PCCA: variants seen among roughly 807,000 people sequenced by gnomAD.
PCCA encodes the protein propionyl-CoA carboxylase subunit alpha.
In PCCA, 74 loss-of-function variants were observed where a neutral mutation model predicts 101.3. That is an observed-to-expected ratio of 0.73 (90% CI 0.61 to 0.89). The LOEUF (loss-of-function observed/expected upper bound fraction) is 0.89, where lower values mean the gene tolerates loss of function less well. Among genes scored for constraint, PCCA ranks in the 40% least tolerant of loss-of-function variants. PCCA has a pLI of 0.00. For missense variants in PCCA, 891 were observed against 907.0 expected (o/e 0.98, Z 0.23); for synonymous variants, 294 against 313.6 (o/e 0.94, Z 0.66).
At chr13:100,525,069 ATAAG>A (rs923515205) in intron 22 of PCCA, among the ~76,000 whole-genome samples, 41 of 152,246 alleles carry the variant, frequency 2.7e-4, no homozygotes, top group African/African-American at 9.1e-4. Flanking sequence ...ATAGAGCTAA[ATAAG>A]TAGACTAGTA....
At position 100,172,148 on chromosome 13, in the gene PCCA, C is replaced by T. The variant is rs1056191050; in HGVS notation, c.468+14808C>T. On this transcript the variant is annotated intron_variant, in intron 6 of 23. Coordinates refer to ENST00000376285, the MANE Select transcript of PCCA (RefSeq NM_000282.4). ...CCCAGGAGATGGAGGCTGCAGTGAG[C>T]TGAGATTGCACCACTACACTCCAGC... 2.0e-5 allele frequency among the ~76,000 whole-genome samples: 3 copies of T among 150,310 alleles called. No individual in the cohort carries two copies. In the South Asian group the frequency reaches 6.3e-4, roughly 31 times the overall value.
chr13:100,453,704 C>A (rs1182196391), intron 21 of PCCA, among the ~76,000 whole-genome samples: 1 of 151,936 alleles, frequency 6.6e-6, no homozygotes, highest in Non-Finnish European at 1.5e-5. Context: ...AGCAGGTGCC[C>A]TTCAATTTCA....
At chr13:100,255,957 A>G (rs150167696) in intron 8 of PCCA, among the ~76,000 whole-genome samples, 2 of 152,170 alleles carry the variant, frequency 1.3e-5, no homozygotes, top group African/African-American at 4.8e-5. Flanking sequence ...TGTTTTCCCC[A>G]CTATTCCTGC....
At chr13:100,427,274 T>C (rs759176461) in intron 20 of PCCA, among the ~76,000 whole-genome samples, 4 of 152,224 alleles carry the variant, frequency 2.6e-5, no homozygotes, top group Non-Finnish European at 4.4e-5. Context: ...TACTGGTTTA[T>C]GTTCGATAGA....
At chr13:100,419,062 A>G (rs552108849) in intron 19 of PCCA, among the ~76,000 whole-genome samples, 130 of 150,266 alleles carry the variant, frequency 8.7e-4, no homozygotes, top group Middle Eastern at 3.4e-3. Context: ...ATTCCCACAC[A>G]CCCATCACTA....
At chr13:100,435,726 C>G (rs1316611160) in intron 20 of PCCA, among the ~76,000 whole-genome samples, 2 of 152,118 alleles carry the variant, frequency 1.3e-5, no homozygotes, top group African/African-American at 2.4e-5. Flanking sequence ...AACAACAGAA[C>G]AAAAACAGGG....
At chr13:100,441,456 G>T (rs1314500234) in intron 20 of PCCA, among the ~76,000 whole-genome samples, 1 of 152,110 alleles carries the variant, frequency 6.6e-6, no homozygotes, top group Non-Finnish European at 1.5e-5. Context: ...TGGAACATTT[G>T]ATTTATTGTT....
At chr13:100,232,932 G>T (rs1341501276) in intron 7 of PCCA, among the ~76,000 whole-genome samples, 1 of 152,152 alleles carries the variant, frequency 6.6e-6, no homozygotes, top group African/African-American at 2.4e-5. Flanking sequence ...TGTATAAGTG[G>T]TTGAATAAGA....
intron 19 of PCCA, among the ~76,000 whole-genome samples, chr13:100,385,202 C>T (rs2076431069): frequency 6.6e-6 from 1 of 152,114 alleles, no homozygotes. Flanking sequence ...AATTCTTTTA[C>T]ATTGGCAAGA....
intron 18 of PCCA, among the ~76,000 whole-genome samples, chr13:100,360,108 GA>G (rs944163282): frequency 8.5e-5 from 13 of 152,272 alleles, no homozygotes; most frequent in African/African-American, 2.4e-4. Flanking sequence ...CATGGACGAG[GA>G]GGGGCAAGTC....
At chr13:100,093,494 C>G (rs1175212066) in intron 1 of PCCA, among the ~76,000 whole-genome samples, 2 of 152,088 alleles carry the variant, frequency 1.3e-5, no homozygotes, top group Non-Finnish European at 2.9e-5. Flanking sequence ...AGATCTAGCT[C>G]TTTACTCAGA....
intron 2 of PCCA, among the ~76,000 whole-genome samples, chr13:100,111,556 T>C (rs532808169): frequency 6.6e-6 from 1 of 152,340 alleles, no homozygotes; most frequent in South Asian, 2.1e-4. Context: ...ATTAACCTAC[T>C]ATGCTTTAAC....
intron 4 of PCCA, among the ~76,000 whole-genome samples, chr13:100,133,068 C>T (rs1405536738): frequency 2.6e-5 from 4 of 152,182 alleles, no homozygotes; most frequent in African/African-American, 9.7e-5. Context: ...CATGAGCCAC[C>T]ATGCCCGGCC....
intron 4 of PCCA, among the ~76,000 whole-genome samples, chr13:100,116,950 C>T (rs2048854061): frequency 6.6e-6 from 1 of 152,044 alleles, no homozygotes; most frequent in South Asian, 2.1e-4. Flanking sequence ...CAGATTTGGC[C>T]AGTGGGTAGA....
intron 4 of PCCA, among the ~76,000 whole-genome samples, chr13:100,136,004 T>C (rs2051116410): frequency 1.3e-5 from 2 of 152,078 alleles, no homozygotes; most frequent in Admixed American, 1.3e-4. Context: ...GGTGTATTGT[T>C]TTTTATATAT....
At chr13:100,237,962 A>T in intron 8 of PCCA, among the ~76,000 whole-genome samples, 2 of 133,148 alleles carry the variant, frequency 1.5e-5, no homozygotes. Context: ...TTTGAGACAG[A>T]CTTTTCACTC....
chr13:100,221,783 C>T (rs1231172990), intron 7 of PCCA, among the ~76,000 whole-genome samples: 2 of 142,174 alleles, frequency 1.4e-5, no homozygotes, highest in Non-Finnish European at 3.0e-5. Context: ...GGAGTCTCAC[C>T]CTGGAGTGCA....
At chr13:100,150,486 G>A (rs1468710492) in intron 4 of PCCA, 8 of 1,217,996 alleles carry the variant, frequency 6.6e-6, no homozygotes, top group South Asian at 1.8e-5. Flanking sequence ...TTATATTAGC[G>A]GTAACGGTGG....
intron 7 of PCCA, among the ~76,000 whole-genome samples, chr13:100,211,891 C>T (rs1043171079): frequency 6.6e-5 from 10 of 152,070 alleles, no homozygotes; most frequent in East Asian, 3.9e-4. Context: ...TAGGTGTGTG[C>T]CACCACAGCT....
Sources: gnomAD v4.1 joint callset for allele counts (sites outside exome capture counted in the v4.1 genomes callset) on GRCh38, gnomAD v4.1.1 for gene constraint, MANE v1.5 for transcripts, NCBI Gene and HGNC (gene_info 2026-07-23, HGNC 2026-07-21) for gene names.